Variants in FAM120C observed in about 807,000 individuals in gnomAD.
FAM120C encodes family with sequence similarity 120 member C.
Under a neutral mutation model 71.2 loss-of-function variants are expected in FAM120C, and 14 were observed. The ratio of observed to expected loss-of-function variants is 0.20; its 90% CI spans 0.13 to 0.31. FAM120C has a LOEUF of 0.31. Among genes scored for constraint, FAM120C ranks in the 10% least tolerant of loss-of-function variants. The pLI is 1.00. For missense variants in FAM120C, 500 were observed against 879.0 expected (o/e 0.57, Z 5.45); for synonymous variants, 354 against 353.2 (o/e 1.00, Z -0.03).
chrX:54,116,083 AT>A (rs1557126579), intron 10 of FAM120C, among the ~76,000 whole-genome samples: 1 of 111,992 alleles, frequency 8.9e-6, no homozygotes, highest in Non-Finnish European at 1.9e-5. Context: ...CTCCATCTCA[AT>A]AAAAAAGGGA....
intron 5 of FAM120C, 83 bp from the exon 6 acceptor site, chrX:54,135,687 A>G: frequency 4.1e-6 from 3 of 735,072 alleles, no homozygotes; most frequent in Non-Finnish European, 6.1e-6. Flanking sequence ...TATCACCTGA[A>G]AAAGTGTTAT....
Position 54,114,584 on chromosome X carries a change from G to A in FAM120C, c.2312+1961C>T, listed in dbSNP as rs1019017653. Among the ~76,000 whole-genome samples the A allele has an allele frequency of 3.7e-5, 4 of 109,438 alleles. No homozygotes were observed. The East Asian group carries it at 8.7e-4, about 24-fold the overall frequency. On this transcript the variant is annotated intron_variant, in intron 10 of 15. Transcript: ENST00000375180. ...CTCCCAAGTAGCTGGGACCACAGGC[G>A]TGCACCACCATGCCCAGCTAATTTT...
intron 15 of FAM120C, among the ~76,000 whole-genome samples, chrX:54,079,007 A>G (rs2066750358): frequency 9.1e-6 from 1 of 109,462 alleles, no homozygotes; most frequent in African/African-American, 3.3e-5. Context: ...AAAAAAAAAA[A>G]AGAAAAACTT....
In FAM120C at chrX:54,182,785, C is replaced by T. The variant is rs782449355; in HGVS notation, c.414G>A (p.Val138=). ...GCATGGCGTTCCATTGGCCGCCACA[C>T]ACCCAATCCGTCTGGTAGCCGCCAT... ...RLYGGYQTDW[V]CGGQWNAMLG... The change falls in exon 1 of 16, where the codon GTG becomes GTA. Residue 138 remains valine, a synonymous_variant. Transcript: ENST00000375180. The T allele has an allele frequency of 4.2e-6, 5 of 1,204,617 alleles. No individual in the cohort carries two copies. Among genetic ancestry groups the T allele is most frequent in the East Asian group, 3.0e-5 (1 of 33,595 alleles).
At chrX:54,114,443 GTTTT>G (rs781874208) in intron 10 of FAM120C, among the ~76,000 whole-genome samples, 2 of 108,709 alleles carry the variant, frequency 1.8e-5, no homozygotes, top group Non-Finnish European at 3.8e-5. Flanking sequence ...TGTTTTTTTG[GTTTT>G]TTTTTGTTGT....
At position 54,126,794 on chromosome X, in the gene FAM120C, G is replaced by A. The variant is rs57827756; in HGVS notation, c.2062+5898C>T. ...TACAACAATGGAATAAACCCTACTC[G>A]GCCTTGGCCATGGCATGTAATTCTT... On this transcript the variant is annotated intron_variant, in intron 9 of 15. Coordinates refer to ENST00000375180, the MANE Select transcript of FAM120C (RefSeq NM_017848.6). Among the ~76,000 whole-genome samples the A allele has an allele frequency of 9.8e-3, 1,107 of 113,056 alleles. 13 individuals are homozygous for A. The highest frequency in any genetic ancestry group is 0.034 in the African/African-American group (1,061 of 31,247).
Position 54,135,604 on chromosome X carries a change from C to T in FAM120C, c.1259G>A (p.Gly420Asp). The change falls in exon 6 of 16, where the codon GGT (glycine) becomes GAT (aspartate). Residue 420 changes from glycine to aspartate, a missense_variant and splice_region_variant. By Grantham distance (94) the Gly-to-Asp change is moderately conservative. Transcript: ENST00000375180. The stretch of plus-strand genomic sequence containing the variant: ...ATTTCCAAGCCTATTATTCCGAAAA[C>T]CTGAAGCCAAGAGAAAGAGCTATAC... ...SSLPVGPSFL[G>D]FRNNRLGNPP... 1 of 1,205,689 alleles carries T rather than the reference C, an allele frequency of 8.3e-7. No individual in the cohort carries two copies. The highest frequency in any genetic ancestry group is 1.1e-6 in the Non-Finnish European group (1 of 891,103).
intron 10 of FAM120C, among the ~76,000 whole-genome samples, chrX:54,094,372 C>T (rs2066839804): frequency 9.3e-6 from 1 of 107,550 alleles, no homozygotes; most frequent in African/African-American, 3.4e-5. Flanking sequence ...GCTGGGATTA[C>T]AGGCATGAGC....
chrX:54,162,584 G>A (rs1557134564), intron 1 of FAM120C, among the ~76,000 whole-genome samples: 1 of 112,122 alleles, frequency 8.9e-6, no homozygotes, highest in Admixed American at 9.5e-5. Flanking sequence ...GAATAGTAAA[G>A]AAAGGCCTAG....
At position 54,100,566 on chromosome X, in the gene FAM120C, C is replaced by T. The variant is rs782210111; in HGVS notation, c.2313-9140G>A. 1.2e-4 allele frequency among the ~76,000 whole-genome samples: 13 copies of T among 110,300 alleles called. No individual in the cohort carries two copies. In the South Asian group the frequency reaches 4.7e-3, roughly 40 times the overall value. ...TTAAGTACCTGTGGTCTCAGCTACT[C>T]GGGAGGCTGAGGTGGGAGGACTGCT... On this transcript the variant is annotated intron_variant, in intron 10 of 15. Coordinates refer to ENST00000375180, the MANE Select transcript of FAM120C (RefSeq NM_017848.6).
intron 10 of FAM120C, among the ~76,000 whole-genome samples, chrX:54,093,795 C>T (rs1557122907): frequency 9.0e-6 from 1 of 111,579 alleles, no homozygotes; most frequent in African/African-American, 3.3e-5. Context: ...TACATGATTC[C>T]ACTGGGGATT....
At position 54,125,531 on chromosome X, in the gene FAM120C, C is replaced by T. The variant is rs990604754; in HGVS notation, c.2062+7161G>A. Among the ~76,000 whole-genome samples the T allele has an allele frequency of 2.7e-5, 3 of 112,306 alleles. No individual in the cohort carries two copies. In the Admixed American group the frequency reaches 2.8e-4, roughly 11 times the overall value. ...ATGTTGCCCAGGCTGGTCTCAAATT[C>T]CAGAGCTCAAGGGATCCACCCACCT... is the stretch of plus-strand genomic sequence containing the variant. On this transcript the variant is annotated intron_variant, in intron 9 of 15. Transcript: ENST00000375180.
At chrX:54,155,751 A>T (rs183755819) in intron 3 of FAM120C, among the ~76,000 whole-genome samples, 1 of 111,113 alleles carries the variant, frequency 9.0e-6, no homozygotes, top group Non-Finnish European at 1.9e-5. Context: ...AAAATTGATG[A>T]TGCAGGAGAA....
At chrX:54,093,689 G>C (rs1263935032) in intron 10 of FAM120C, among the ~76,000 whole-genome samples, 1 of 111,593 alleles carries the variant, frequency 9.0e-6, no homozygotes, top group Non-Finnish European at 1.9e-5. Flanking sequence ...GGTCTAATGA[G>C]TCAGAGGAGT....
chrX:54,098,134 C>G (rs193061962), intron 10 of FAM120C, among the ~76,000 whole-genome samples: 1 of 106,862 alleles, frequency 9.4e-6, no homozygotes, highest in Non-Finnish European at 1.9e-5. Flanking sequence ...CTCTGCCTCC[C>G]GGGTTCAAGT....
chrX:54,082,698 C>T (rs782321120), intron 13 of FAM120C, among the ~76,000 whole-genome samples: 13 of 111,242 alleles, frequency 1.2e-4, no homozygotes, highest in Non-Finnish European at 2.5e-4. Context: ...CATGAGCCAC[C>T]GTGCCCGGTC....
At chrX:54,182,409 A>C in intron 1 of FAM120C, 91 bp downstream of exon 1, 1 of 1,021,092 alleles carries the variant, frequency 9.8e-7, no homozygotes, top group Non-Finnish European at 1.3e-6. Flanking sequence ...GATGGGAGGT[A>C]GGGTAGTGGG....
intron 10 of FAM120C, among the ~76,000 whole-genome samples, chrX:54,112,977 G>A (rs1402526778): frequency 9.0e-6 from 1 of 110,775 alleles, no homozygotes; most frequent in Non-Finnish European, 1.9e-5. Flanking sequence ...CAGAGATCAC[G>A]CCATTGCACT....
chrX:54,097,124 C>A (rs139202395), intron 10 of FAM120C, among the ~76,000 whole-genome samples: 109 of 112,113 alleles, frequency 9.7e-4, no homozygotes, highest in African/African-American at 3.4e-3. Context: ...GATACCTGAT[C>A]CAAGTGAAAC....
Sources: gnomAD v4.1 joint callset for allele counts (sites outside exome capture counted in the v4.1 genomes callset) on GRCh38, gnomAD v4.1.1 for gene constraint, MANE v1.5 for transcripts, NCBI Gene and HGNC (gene_info 2026-07-23, HGNC 2026-07-21) for gene names.